The following GALNT17 variants were observed in gnomAD, a reference collection of about 807,000 sequenced individuals.
GALNT17 encodes polypeptide N-acetylgalactosaminyltransferase 17.
Under a neutral mutation model 63.7 loss-of-function variants are expected in GALNT17, and 29 were observed. The observed-to-expected ratio is 0.46, with a 90% CI of 0.34 to 0.62. The LOEUF is 0.62. Among genes scored for constraint, GALNT17 ranks in the 20% least tolerant of loss-of-function variants. The pLI is 0.01. For synonymous variants in GALNT17, 305 were observed against 318.3 expected, an observed-to-expected ratio of 0.96 and a Z score of 0.45; for missense variants, 603 against 799.6, an observed-to-expected ratio of 0.75 and a Z score of 2.97.
At position 71,613,260 on chromosome 7, in the gene GALNT17, A is replaced by G. The variant is rs577708820; in HGVS notation, c.1080+41858A>G. ...GTGATAAAAATTTAAAAGTTCAAAG[A>G]AGAAAGCAAAAGGTAGATGATTTAC... On this transcript the variant is annotated intron_variant, in intron 6 of 10. Transcript: ENST00000333538. Among the ~76,000 whole-genome samples the G allele has an allele frequency of 3.4e-4, 52 of 152,340 alleles. No homozygotes were observed. In the South Asian group the frequency reaches 9.9e-3, roughly 29 times the overall value.
At chr7:71,208,894 A>G (rs1245233885) in intron 1 of GALNT17, among the ~76,000 whole-genome samples, 1 of 152,178 alleles carries the variant, frequency 6.6e-6, no homozygotes, top group African/African-American at 2.4e-5. Context: ...CAAAGAATTG[A>G]TTTATAATTA....
chr7:71,244,472 A>G (rs1253976499), intron 1 of GALNT17, among the ~76,000 whole-genome samples: 5 of 151,990 alleles, frequency 3.3e-5, no homozygotes, highest in Non-Finnish European at 5.9e-5. Context: ...TTGAACCTCA[A>G]CTCTGCCCTT....
At chr7:71,711,386 C>G (rs1367202219) in intron 10 of GALNT17, among the ~76,000 whole-genome samples, 1 of 151,934 alleles carries the variant, frequency 6.6e-6, no homozygotes, top group Non-Finnish European at 1.5e-5. Flanking sequence ...AGGAGGTCCT[C>G]ATGCTTCCCT....
chr7:71,631,886 A>G (rs1440719259), intron 6 of GALNT17, among the ~76,000 whole-genome samples: 3 of 151,944 alleles, frequency 2.0e-5, no homozygotes, highest in African/African-American at 4.8e-5. Flanking sequence ...TAGCATTTGA[A>G]TGGGTTAACT....
intron 6 of GALNT17, among the ~76,000 whole-genome samples, chr7:71,591,757 G>T (rs1789805492): frequency 6.6e-6 from 1 of 152,020 alleles, no homozygotes; most frequent in African/African-American, 2.4e-5. Context: ...CTGCCTCCCA[G>T]ATTCCAGCGA....
chr7:71,480,135 A>G (rs1346563220), intron 5 of GALNT17, among the ~76,000 whole-genome samples: 4 of 130,322 alleles, frequency 3.1e-5, no homozygotes, highest in Admixed American at 8.0e-5. Flanking sequence ...GCTCTTGGAG[A>G]CCCCCTCTTT....
intron 6 of GALNT17, among the ~76,000 whole-genome samples, chr7:71,582,118 A>G (rs1218386583): frequency 6.6e-6 from 1 of 152,192 alleles, no homozygotes; most frequent in Non-Finnish European, 1.5e-5. Flanking sequence ...AACTAAAAGT[A>G]GAACTACGAT....
At chr7:71,397,287 A>T (rs560848311) in intron 3 of GALNT17, among the ~76,000 whole-genome samples, 19 of 152,270 alleles carry the variant, frequency 1.2e-4, no homozygotes, top group African/African-American at 4.3e-4. Context: ...GACTCACCAT[A>T]GTGGGCTATT....
At chr7:71,371,500 T>C (rs1425888899) in intron 2 of GALNT17, among the ~76,000 whole-genome samples, 1 of 152,210 alleles carries the variant, frequency 6.6e-6, no homozygotes, top group Admixed American at 6.5e-5. Context: ...AATTGTGCTC[T>C]TTGAGTTTTC....
intron 8 of GALNT17, among the ~76,000 whole-genome samples, chr7:71,675,284 T>C (rs1203103939): frequency 1.3e-5 from 2 of 152,196 alleles, no homozygotes; most frequent in Non-Finnish European, 2.9e-5. Context: ...ATGTTATTTA[T>C]CTTTTGCTCA....
At chr7:71,402,132 T>A (rs1793251986) in intron 3 of GALNT17, among the ~76,000 whole-genome samples, 1 of 152,214 alleles carries the variant, frequency 6.6e-6, no homozygotes, top group South Asian at 2.1e-4. Flanking sequence ...GTTTTCATTG[T>A]GAGGTTTAGA....
chr7:71,219,330 G>T (rs570587812), intron 1 of GALNT17, among the ~76,000 whole-genome samples: 327 of 152,198 alleles, frequency 2.1e-3, no homozygotes, highest in African/African-American at 7.3e-3. Context: ...TTACCAATAT[G>T]TGTATCTCTT....
At chr7:71,364,927 T>A (rs1012955380) in intron 2 of GALNT17, among the ~76,000 whole-genome samples, 2 of 124,510 alleles carry the variant, frequency 1.6e-5, no homozygotes, top group Non-Finnish European at 3.3e-5. Context: ...ATTTTAATAC[T>A]TTTTTTTATT....
In GALNT17 at chr7:71,341,273, A is replaced by C. The variant is rs140798851; in HGVS notation, c.422+5540A>C. Among the ~76,000 whole-genome samples the C allele has an allele frequency of 4.3e-4, 65 of 152,298 alleles. 1 individual carries two copies. In the East Asian group the frequency reaches 0.012, roughly 28 times the overall value. ...AAGTTCTAAAAAGTAGAAAAAAAGA[A>C]ATGAAAATTAGGAGTGGAAAGATCA... On this transcript the variant is annotated intron_variant, in intron 2 of 10. Transcript: ENST00000333538.
intron 9 of GALNT17, among the ~76,000 whole-genome samples, chr7:71,691,255 C>G (rs1437685045): frequency 6.6e-6 from 1 of 152,180 alleles, no homozygotes; most frequent in Non-Finnish European, 1.5e-5. Flanking sequence ...AAAAAGATTA[C>G]AGCTTACTGA....
intron 3 of GALNT17, among the ~76,000 whole-genome samples, chr7:71,408,293 A>G (rs969403571): frequency 1.3e-5 from 2 of 152,168 alleles, no homozygotes; most frequent in Non-Finnish European, 2.9e-5. Context: ...CATATGTGCT[A>G]TGTTCTCGTC....
At chr7:71,641,311 G>T (rs1055599968) in intron 6 of GALNT17, among the ~76,000 whole-genome samples, 24 of 152,132 alleles carry the variant, frequency 1.6e-4, no homozygotes, top group Admixed American at 1.5e-3. Flanking sequence ...TGTGTCTTGG[G>T]CATTGTTGAC....
chr7:71,551,772 A>AG (rs1554307508), intron 5 of GALNT17, among the ~76,000 whole-genome samples: 1 of 111,092 alleles, frequency 9.0e-6, no homozygotes, highest in Admixed American at 8.8e-5. Flanking sequence ...AAAAAAAAAA[A>AG]AGAGAGAGAG....
At chr7:71,604,163 A>G (rs188432204) in intron 6 of GALNT17, among the ~76,000 whole-genome samples, 5 of 152,194 alleles carry the variant, frequency 3.3e-5, no homozygotes, top group African/African-American at 9.6e-5. Flanking sequence ...AATGGATACT[A>G]TGCTAAGCGC....
Sources: gnomAD v4.1 joint callset for allele counts (sites outside exome capture counted in the v4.1 genomes callset) on GRCh38, gnomAD v4.1.1 for gene constraint, MANE v1.5 for transcripts, NCBI Gene and HGNC (gene_info 2026-07-23, HGNC 2026-07-21) for gene names.